GRXCR2: variants seen among roughly 807,000 people sequenced by gnomAD.
The protein encoded by GRXCR2 is glutaredoxin and cysteine rich domain containing 2, also known as glutaredoxin domain-containing cysteine-rich protein 2.
GRXCR2 carries 23 observed loss-of-function variants against 24.8 expected under a neutral mutation model. The observed-to-expected ratio is 0.93, with a 90% CI of 0.67 to 1.32. GRXCR2 has a LOEUF of 1.32. Ranked by LOEUF, GRXCR2 falls within the 40% of genes most tolerant of loss-of-function variation. The probability of loss-of-function intolerance (pLI) is 0.00; values close to 1 mark genes in which losing one functional copy is unlikely to be tolerated. For missense variants in GRXCR2, 315 were observed against 303.4 expected, an observed-to-expected ratio of 1.04 and a Z score of -0.28; for synonymous variants, 130 against 116.1, an observed-to-expected ratio of 1.12 and a Z score of -0.77.
intron 2 of GRXCR2, among the ~76,000 whole-genome samples, chr5:145,916,678 C>T (rs1419392300): frequency 6.6e-6 from 1 of 152,188 alleles, no homozygotes; most frequent in Non-Finnish European, 1.5e-5. Context: ...AGGATATAGA[C>T]ATAGCTATCA....
intron 2 of GRXCR2, among the ~76,000 whole-genome samples, chr5:145,917,458 C>T (rs766107864): frequency 2.0e-5 from 3 of 152,202 alleles, no homozygotes; most frequent in Admixed American, 6.5e-5. Flanking sequence ...AGAAAACACA[C>T]CCTCCCACTC....
At chr5:145,861,045 A>T (rs1052453349) in intron 2 of GRXCR2, among the ~76,000 whole-genome samples, 2 of 151,794 alleles carry the variant, frequency 1.3e-5, no homozygotes, top group African/African-American at 4.8e-5. Context: ...AAGGGGAGAT[A>T]CTAGATCGAA....
rs749067935 is a variant in GRXCR2, at chr5:145,859,784, G to A, written c.696C>T (p.Cys232=). 3 of 1,614,176 alleles carry A rather than the reference G, an allele frequency of 1.9e-6. No individual in the cohort carries two copies. The highest frequency in any genetic ancestry group is 2.2e-5 in the East Asian group (1 of 44,880). ...RFKESYRALR[C]PACNENGLQP... is the part of the protein sequence containing the mutation. ...GTAGGCCATTCTCATTGCAGGCAGG[G>A]CACCTCAGGGCCCGATAGGACTCCT... The change falls in exon 3 of 3, where the codon TGC becomes TGT. Residue 232 remains cysteine (C), a synonymous_variant. Coordinates refer to ENST00000377976, the MANE Select transcript of GRXCR2 (RefSeq NM_001080516.2).
intron 2 of GRXCR2, among the ~76,000 whole-genome samples, chr5:145,893,803 T>G (rs2149920056): frequency 6.6e-6 from 1 of 152,186 alleles, no homozygotes; most frequent in African/African-American, 2.4e-5. Context: ...TCTATAGAAC[T>G]CTCCACCCCA....
At chr5:145,904,421 C>G (rs1362300485) in intron 2 of GRXCR2, among the ~76,000 whole-genome samples, 3 of 152,140 alleles carry the variant, frequency 2.0e-5, no homozygotes, top group Non-Finnish European at 4.4e-5. Flanking sequence ...AAGACTTGGA[C>G]TTGAAGTTTT....
chr5:145,913,798 C>T (rs1757197625), intron 2 of GRXCR2, among the ~76,000 whole-genome samples: 3 of 152,150 alleles, frequency 2.0e-5, no homozygotes, highest in Non-Finnish European at 4.4e-5. Flanking sequence ...GCTGGGATTA[C>T]AGGCAGGCAT....
upstream of GRXCR2, among the ~76,000 whole-genome samples, chr5:145,873,681 C>T (rs957753603): frequency 6.6e-6 from 1 of 152,216 alleles, no homozygotes; most frequent in Non-Finnish European, 1.5e-5. Context: ...CTGCTAAGAA[C>T]AGGAGAAGGC....
chr5:145,887,017 T>C (rs1403950632), intron 2 of GRXCR2, among the ~76,000 whole-genome samples: 1 of 152,238 alleles, frequency 6.6e-6, no homozygotes, highest in Non-Finnish European at 1.5e-5. Flanking sequence ...CCCAAGTTGT[T>C]CCAATCATAT....
chr5:145,866,628 A>C lies in GRXCR2; in HGVS notation c.437T>G (p.Leu146Arg). Reference sequence around the variant, plus strand: ...TTCCTCAGCCTCCTCTTCCTTCTGGAGAATTTTCCTCACAAAATCTCTCTT... The same window carrying C: ...TTCCTCAGCCTCCTCTTCCTTCTGGCGAATTTTCCTCACAAAATCTCTCTT... The part of the protein sequence containing the change: ...MDKRDFVRKI[L>R]QKEEEAEEES... The change falls in exon 2 of 3, where the codon CTC becomes CGC. Residue 146 changes from leucine (L) to arginine (R), a missense_variant. By Grantham distance (102) the Leu-to-Arg change is moderately radical (BLOSUM62 -2). Coordinates refer to ENST00000377976, the MANE Select transcript of GRXCR2 (RefSeq NM_001080516.2). 1 of 1,614,022 alleles carries C rather than the reference A, an allele frequency of 6.2e-7. No homozygotes were observed. The highest frequency in any genetic ancestry group is 2.2e-5 in the East Asian group (1 of 44,876).
At chr5:145,876,984 T>C (rs1340891611), upstream of GRXCR2, among the ~76,000 whole-genome samples, 1 of 152,092 alleles carries the variant, frequency 6.6e-6, no homozygotes, top group Non-Finnish European at 1.5e-5. Context: ...GGCAACTGGG[T>C]GGAGGATTTT....
chr5:145,922,767 A>G (rs575557170), intron 2 of GRXCR2, among the ~76,000 whole-genome samples: 1 of 152,326 alleles, frequency 6.6e-6, no homozygotes, highest in South Asian at 2.1e-4. Flanking sequence ...ACCTTAGTCT[A>G]AAACATAGTC....
intron 2 of GRXCR2, among the ~76,000 whole-genome samples, chr5:145,881,190 C>A (rs1756695113): frequency 1.3e-5 from 2 of 152,098 alleles, no homozygotes; most frequent in Non-Finnish European, 2.9e-5. Flanking sequence ...GGCAATCAGA[C>A]AAGAGAAAGA....
At chr5:145,881,857 A>G in intron 2 of GRXCR2, among the ~76,000 whole-genome samples, 1 of 152,228 alleles carries the variant, frequency 6.6e-6, no homozygotes, top group East Asian at 1.9e-4. Flanking sequence ...GGCCTCAGAA[A>G]TAACACCACA....
At chr5:145,928,105 CA>C (rs2149930805) in intron 2 of GRXCR2, among the ~76,000 whole-genome samples, 1 of 152,052 alleles carries the variant, frequency 6.6e-6, no homozygotes, top group African/African-American at 2.4e-5. Context: ...TATGAACAGA[CA>C]CTTCTCAAAA....
chr5:145,871,073 A>G lies in GRXCR2; in HGVS notation c.336+1560T>C, dbSNP rs2636303. ...TTGACAGATGAGACCCTGTCTCTAA[A>G]AAAGAAAAAAAAAATTATACATTTT... On this transcript the variant is annotated intron_variant, in intron 1 of 2. Coordinates refer to ENST00000377976, the MANE Select transcript of GRXCR2 (RefSeq NM_001080516.2). Among the ~76,000 whole-genome samples, 990 of 152,228 alleles carry G rather than the reference A, an allele frequency of 6.5e-3. 10 individuals are homozygous for G. The highest frequency in any genetic ancestry group is 0.023 in the African/African-American group (939 of 41,510).
At chr5:145,886,010 C>T (rs1756774783) in intron 2 of GRXCR2, among the ~76,000 whole-genome samples, 2 of 152,198 alleles carry the variant, frequency 1.3e-5, no homozygotes, top group Admixed American at 1.3e-4. Flanking sequence ...GTTCATGCTT[C>T]TCATCATTAA....
chr5:145,925,810 A>G (rs943034739), intron 2 of GRXCR2, among the ~76,000 whole-genome samples: 3 of 152,226 alleles, frequency 2.0e-5, no homozygotes, highest in African/African-American at 7.2e-5. Context: ...AGTCAGTTAT[A>G]GAAAATCATT....
intron 2 of GRXCR2, among the ~76,000 whole-genome samples, chr5:145,918,659 C>T (rs549674515): frequency 6.6e-6 from 1 of 152,320 alleles, no homozygotes; most frequent in African/African-American, 2.4e-5. Flanking sequence ...ACCTGAATGT[C>T]CCTGACTTCA....
upstream of GRXCR2, among the ~76,000 whole-genome samples, chr5:145,876,619 A>T (rs188069720): frequency 2.9e-3 from 446 of 152,308 alleles, 2 homozygotes; most frequent in Middle Eastern, 0.02. Flanking sequence ...CCCAAAATGA[A>T]TGTCAGTAAC....
Sources: allele counts gnomAD v4.1 joint callset (sites outside exome capture counted in the v4.1 genomes callset), GRCh38; gene constraint gnomAD v4.1.1; transcripts MANE v1.5; gene names NCBI Gene and HGNC (gene_info 2026-07-23, HGNC 2026-07-21).